Variants in ATP11B observed in about 807,000 individuals in gnomAD.
ATP11B encodes phospholipid-transporting ATPase IF.
Under a neutral mutation model 157.8 loss-of-function variants are expected in ATP11B, and 81 were observed. The ratio of observed to expected loss-of-function variants is 0.51; its 90% confidence interval spans 0.43 to 0.62. The LOEUF is 0.62. Ranked by LOEUF, ATP11B falls within the 20% of genes least tolerant of loss-of-function variation. ATP11B has a pLI of 0.00. For synonymous variants in ATP11B, 451 were observed against 469.4 expected (o/e 0.96, Z 0.51); for missense variants, 1,165 against 1,402.2 (o/e 0.83, Z 2.70).
At chr3:182,816,064 C>G (rs1480051958) in intron 1 of ATP11B, among the ~76,000 whole-genome samples, 1 of 151,950 alleles carries the variant, frequency 6.6e-6, no homozygotes, top group Non-Finnish European at 1.5e-5. Context: ...TGTCTGCCAT[C>G]ATGAGACTTT....
At chr3:182,800,780 T>TAA (rs1715949062) in intron 1 of ATP11B, among the ~76,000 whole-genome samples, 1 of 100,806 alleles carries the variant, frequency 9.9e-6, no homozygotes, top group African/African-American at 3.8e-5. Flanking sequence ...TGGCAAATTC[T>TAA]TTTGATTTTT....
At position 182,858,003 on chromosome 3, in the gene ATP11B, C is replaced by A; in HGVS notation, c.977C>A (p.Thr326Lys). The A allele has an allele frequency of 6.2e-7, 1 of 1,611,422 alleles. No homozygotes were observed. The highest frequency in any genetic ancestry group is 8.5e-7 in the Non-Finnish European group (1 of 1,178,172). ...GATGAACCTTGGTATAACCAAAAAA[C>A]AGAACATCAAAGAAATAGCAGTAAG... ...KWDEPWYNQK[T>K]EHQRNSSKIL... The change falls in exon 11 of 30, where the codon ACA (threonine) becomes AAA (lysine). Residue 326 changes from threonine (T) to lysine (K), a missense_variant. Coordinates refer to ENST00000323116, the MANE Select transcript of ATP11B (RefSeq NM_014616.3).
intron 1 of ATP11B, among the ~76,000 whole-genome samples, chr3:182,801,169 A>C (rs755783863): frequency 6.6e-6 from 1 of 152,206 alleles, no homozygotes; most frequent in Non-Finnish European, 1.5e-5. Flanking sequence ...GCAGATAATC[A>C]TACTTGTTTC....
At chr3:182,857,594 T>G (rs1039815889) in intron 10 of ATP11B, among the ~76,000 whole-genome samples, 5 of 152,004 alleles carry the variant, frequency 3.3e-5, no homozygotes, top group Admixed American at 6.5e-5. Flanking sequence ...TAATTACTTA[T>G]GGCAAAAATA....
At chr3:182,862,045 A>C (rs1044218066) in intron 12 of ATP11B, among the ~76,000 whole-genome samples, 11 of 152,238 alleles carry the variant, frequency 7.2e-5, no homozygotes, top group Middle Eastern at 3.4e-3. Flanking sequence ...CAGGAGTTCA[A>C]GACCAGCCTG....
chr3:182,835,081 AC>A (rs1718444198), intron 4 of ATP11B, among the ~76,000 whole-genome samples: 1 of 152,120 alleles, frequency 6.6e-6, no homozygotes. Flanking sequence ...CATTGAGCAG[AC>A]TGAGGAGGAA....
rs747173362 is a variant in ATP11B at position 182,820,260 on chromosome 3, G to A, written c.28G>A (p.Gly10Ser). The change falls in exon 2 of 30, where the codon GGT becomes AGT. Residue 10 changes from glycine to serine, a missense_variant and splice_region_variant. Gly to Ser is a moderately conservative substitution (Grantham distance 56). Around this residue, in one of 4 missense-constraint regions of ATP11B, gnomAD observed 91 missense variants for 95.8 expected, o/e 0.95. Transcript: ENST00000323116. ...TTTTCTCTTGCTTGATTGGTCTTAG[G>A]GTTTTGACCCACCACATCAGAGTGA... MWRWIRQQL[G>S]FDPPHQSDTR... The A allele has an allele frequency of 5.0e-6, 8 of 1,608,204 alleles. No homozygotes were observed. Among genetic ancestry groups the A allele is most frequent in the South Asian group, 1.1e-5 (1 of 90,942 alleles).
chr3:182,805,106 T>C (rs148250792), intron 1 of ATP11B, among the ~76,000 whole-genome samples: 3 of 152,332 alleles, frequency 2.0e-5, no homozygotes, highest in African/African-American at 7.2e-5. Flanking sequence ...TAAGTTGTTA[T>C]GTAGATGTGT....
intron 29 of ATP11B, chr3:182,915,251 A>G (rs1725063259): frequency 2.0e-6 from 2 of 985,378 alleles, no homozygotes; most frequent in Non-Finnish European, 2.4e-6. Context: ...TTATGTTAAC[A>G]TAATGTCTGT....
intron 1 of ATP11B, among the ~76,000 whole-genome samples, chr3:182,818,420 T>G (rs1285033613): frequency 6.6e-6 from 1 of 152,236 alleles, no homozygotes; most frequent in Non-Finnish European, 1.5e-5. Context: ...AGAGACTGAT[T>G]TTTGAAATCA....
At chr3:182,916,310 GC>G in intron 29 of ATP11B, 1 of 985,312 alleles carries the variant, frequency 1.0e-6, no homozygotes, top group Non-Finnish European at 1.2e-6. Context: ...AGATGTAGAA[GC>G]CCTTAGCTGT....
In ATP11B at chr3:182,838,784, A is replaced by ATT. The variant is rs1208443223; in HGVS notation, c.656+1611_656+1612dup. On this transcript the variant is annotated intron_variant, in intron 7 of 29. Coordinates refer to ENST00000323116, the MANE Select transcript of ATP11B (RefSeq NM_014616.3). ...CTTGTAACACATATATGTGCTATATATTATATATATATATATACACACACA... is the reference window on the plus strand; with the variant it reads ...CTTGTAACACATATATGTGCTATATATTTTATATATATATATATACACACACA... Among the ~76,000 whole-genome samples, 664 of 145,970 alleles carry ATT rather than the reference A, an allele frequency of 4.5e-3. 2 individuals are homozygous for ATT. The highest frequency in any genetic ancestry group is 0.017 in the African/African-American group (647 of 37,822).
chr3:182,867,412 T>C lies in ATP11B; in HGVS notation c.1656T>C (p.Thr552=), dbSNP rs570174853. Residue 552 remains threonine, a synonymous_variant, in exon 15 of 30, where the codon ACT becomes ACC. Transcript: ENST00000323116. ...GIVFIGNSEE[T]MEVKTLGKLE... is the part of the protein sequence containing the mutation. The stretch of plus-strand genomic sequence containing the variant: ...TGTTTATTGGCAATTCTGAAGAAAC[T>C]ATGGAGGTTAAAACTCTTGGAAAAC... 3.7e-6 allele frequency: 6 copies of C among 1,611,418 alleles called. No individual in the cohort carries two copies. The highest frequency in any genetic ancestry group is 1.7e-5 in the Admixed American group (1 of 59,980).
intron 12 of ATP11B, among the ~76,000 whole-genome samples, chr3:182,864,285 C>T (rs1721067461): frequency 6.6e-6 from 1 of 152,014 alleles, no homozygotes; most frequent in Non-Finnish European, 1.5e-5. Context: ...TGGCTAGAAC[C>T]TTAAGTACAA....
rs2108541377 is a variant in ATP11B, at chr3:182,865,477, A to G, written c.1222A>G (p.Lys408Glu). 1 of 1,613,508 alleles carries G rather than the reference A, an allele frequency of 6.2e-7. No individual in the cohort carries two copies. The highest frequency in any genetic ancestry group is 8.5e-7 in the Non-Finnish European group (1 of 1,179,578). The change falls in exon 13 of 30, where the codon AAA (lysine) becomes GAA (glutamate). Residue 408 changes from lysine to glutamate, a missense_variant. By Grantham distance (56) the Lys-to-Glu change is moderately conservative (BLOSUM62 1). This residue lies in a region of ATP11B where 737 missense variants were observed against 930.5 expected (regional missense o/e 0.79). Coordinates refer to ENST00000323116, the MANE Select transcript of ATP11B (RefSeq NM_014616.3). ...ATAGGTAGAGTACGTGTTTACAGAT[A>G]AAACTGGTACACTGACAGAAAATGA... is the stretch of plus-strand genomic sequence containing the variant. ...LGQVEYVFTD[K>E]TGTLTENEMQ...
intron 28 of ATP11B, among the ~76,000 whole-genome samples, chr3:182,901,025 C>CA (rs1418620407): frequency 6.6e-6 from 1 of 151,528 alleles, no homozygotes; most frequent in Non-Finnish European, 1.5e-5. Context: ...ACTAAAAATA[C>CA]AAAAAAAATT....
At chr3:182,885,843 A>G (rs556772404) in intron 22 of ATP11B, 108 bp from the exon 23 acceptor site, 31 of 644,170 alleles carry the variant, frequency 4.8e-5, no homozygotes, top group Non-Finnish European at 7.3e-5. Context: ...TACTTACCAT[A>G]CCAACTGAGA....
chr3:182,917,099 C>T, intron 29 of ATP11B: 1 of 985,300 alleles, frequency 1.0e-6, no homozygotes, highest in Admixed American at 6.1e-5. Context: ...ACAAACTTAG[C>T]ATCTCTGGGA....
At chr3:182,879,699 CAT>C (rs770057573) in intron 20 of ATP11B, 50 bp downstream of exon 20, 73 of 1,496,444 alleles carry the variant, frequency 4.9e-5, no homozygotes, top group Non-Finnish European at 6.5e-5. Flanking sequence ...TAGATATAAA[CAT>C]ATTATTTAAA....
Sources: gnomAD v4.1 joint callset for allele counts (sites outside exome capture counted in the v4.1 genomes callset) on GRCh38, gnomAD v4.1.1 for gene constraint, gnomAD v4.1.1 regional missense constraint, MANE v1.5 for transcripts, NCBI Gene and HGNC (gene_info 2026-07-23, HGNC 2026-07-21) for gene names.